The following CCDC62 variants were observed in gnomAD, a reference collection of about 807,000 sequenced individuals.
The protein encoded by CCDC62 is coiled-coil domain containing 62.
A neutral mutation model predicts 80.8 loss-of-function variants in CCDC62; 72 were observed. The ratio of observed to expected loss-of-function variants is 0.89; its 90% CI spans 0.74 to 1.08. The LOEUF is 1.08. CCDC62 is among the 50% of genes least tolerant of loss of function. The pLI, the probability that CCDC62 is intolerant of heterozygous loss-of-function variation, is 0.00. For missense variants in CCDC62, 704 were observed against 809.4 expected, an observed-to-expected ratio of 0.87 and a Z score of 1.58; for synonymous variants, 286 against 296.5, an observed-to-expected ratio of 0.96 and a Z score of 0.36.
chr12:122,818,154 A>G (rs905839070), intron 11 of CCDC62, among the ~76,000 whole-genome samples: 2 of 152,088 alleles, frequency 1.3e-5, no homozygotes, highest in African/African-American at 4.8e-5. Flanking sequence ...CAAAAAATTC[A>G]AAAATTAGCT....
intron 9 of CCDC62, 104 bp downstream of exon 9, chr12:122,801,956 G>T: frequency 1.6e-6 from 2 of 1,244,960 alleles, no homozygotes; most frequent in South Asian, 1.4e-5. Context: ...TAATCCAAAA[G>T]GCATGTTTGC....
At chr12:122,782,634 T>G (rs1211617387) in intron 3 of CCDC62, among the ~76,000 whole-genome samples, 6 of 152,048 alleles carry the variant, frequency 3.9e-5, no homozygotes. Context: ...AATTTTGTAT[T>G]TTTAGTAGAG....
chr12:122,826,695 C>T lies in CCDC62; in HGVS notation c.*314C>T, dbSNP rs376644444. 3.8e-5 allele frequency: 15 copies of T among 397,548 alleles called. No individual in the cohort carries two copies. The highest frequency in any genetic ancestry group is 1.4e-4 in the African/African-American group (7 of 48,694). The allele number at this position is 397,548 out of a possible 1,614,324, so 24.6% of individuals were successfully genotyped here. A position where few individuals can be genotyped will look rare whatever the true frequency, so the allele number is the denominator to read the frequency against. On this transcript the variant is annotated 3_prime_UTR_variant, in exon 13 of 13. Coordinates refer to ENST00000253079, the MANE Select transcript of CCDC62 (RefSeq NM_201435.5). ...TGAAAAAGACTTCTCTGTAAAGATA[C>T]GGACTACAGTTAAATGCTAGAGAAG...
At chr12:122,784,922 C>G (rs182556617) in intron 3 of CCDC62, among the ~76,000 whole-genome samples, 10 of 152,042 alleles carry the variant, frequency 6.6e-5, no homozygotes, top group Non-Finnish European at 1.2e-4. Flanking sequence ...GCAGATCACC[C>G]GAAGTCAAGA....
intron 11 of CCDC62, among the ~76,000 whole-genome samples, chr12:122,817,925 C>T (rs2032235734): frequency 6.6e-6 from 1 of 152,022 alleles, no homozygotes; most frequent in Non-Finnish European, 1.5e-5. Flanking sequence ...GACCCTTCTC[C>T]ACCTTGGCAC....
intron 6 of CCDC62, 70 bp downstream of exon 6, chr12:122,792,191 CT>C (rs2030663057): frequency 1.2e-6 from 1 of 852,732 alleles, no homozygotes; most frequent in East Asian, 2.5e-5. Flanking sequence ...AATTATACCT[CT>C]CCCAAAATGG....
chr12:122,802,410 CTTTTT>C (rs752001572), intron 9 of CCDC62, among the ~76,000 whole-genome samples: 1 of 126,868 alleles, frequency 7.9e-6, no homozygotes, highest in African/African-American at 3.0e-5. Flanking sequence ...TATCTCTACA[CTTTTT>C]TTTTTTTTTT....
chr12:122,782,414 G>A (rs139082140), intron 3 of CCDC62, among the ~76,000 whole-genome samples: 141 of 152,272 alleles, frequency 9.3e-4, no homozygotes, highest in Admixed American at 1.6e-3. Context: ...TCAAAGATGA[G>A]AGGGTATAAT....
rs768372312 is a variant in CCDC62 at position 122,798,169 on chromosome 12, A to C, written c.946A>C (p.Lys316Gln). 1.3e-6 allele frequency: 2 copies of C among 1,579,732 alleles called. No individual in the cohort carries two copies. The highest frequency in any genetic ancestry group is 8.7e-7 in the Non-Finnish European group (1 of 1,149,322). ...GGAATTAATACAGATGTATGACTCA[A>C]AGATGGAGGAATCAAAGGCTCTGGA... The part of the protein sequence containing the change: ...SQELIQMYDS[K>Q]MEESKALDSS... The change falls in exon 8 of 13, where the codon AAG becomes CAG. Residue 316 changes from lysine (K) to glutamine (Q), a missense_variant. Lys to Gln is a moderately conservative substitution (Grantham distance 53). Coordinates refer to ENST00000253079, the MANE Select transcript of CCDC62 (RefSeq NM_201435.5).
chr12:122,798,000 A>T, intron 7 of CCDC62, 85 bp from the exon 8 acceptor site: 1 of 676,766 alleles, frequency 1.5e-6, no homozygotes. Context: ...AGGATTTGTG[A>T]ACTGTTTCAG....
At chr12:122,824,867 C>G (rs923396185) in intron 12 of CCDC62, among the ~76,000 whole-genome samples, 2 of 151,940 alleles carry the variant, frequency 1.3e-5, no homozygotes, top group Admixed American at 6.6e-5. Context: ...GGCAGATCAC[C>G]TGAGGTCGGG....
intron 12 of CCDC62, among the ~76,000 whole-genome samples, chr12:122,825,278 C>T (rs1434972384): frequency 2.0e-5 from 3 of 150,552 alleles, no homozygotes; most frequent in Non-Finnish European, 3.0e-5. Flanking sequence ...CAGGTTCAAG[C>T]GATTCTCCTG....
At chr12:122,792,202 G>GTTT (rs760554062) in intron 6 of CCDC62, 81 bp downstream of exon 6, 715 of 498,520 alleles carry the variant, frequency 1.4e-3, no homozygotes, top group East Asian at 2.3e-3. Flanking sequence ...TCCCAAAATG[G>GTTT]TTTTTTTTTT....
At chr12:122,793,155 A>G (rs905390268) in intron 6 of CCDC62, among the ~76,000 whole-genome samples, 4 of 152,200 alleles carry the variant, frequency 2.6e-5, no homozygotes, top group Non-Finnish European at 5.9e-5. Context: ...AGGCTGTTTT[A>G]TAATAAATTG....
intron 3 of CCDC62, among the ~76,000 whole-genome samples, chr12:122,783,383 A>T (rs2135532820): frequency 6.6e-6 from 1 of 151,520 alleles, no homozygotes; most frequent in East Asian, 2.0e-4. Context: ...GCCCGCCACC[A>T]CGCCCGGCTA....
In CCDC62 at chr12:122,822,574, A is replaced by T. The variant is rs1338702349; in HGVS notation, c.2002-792A>T. On this transcript the variant is annotated intron_variant, in intron 11 of 12. Coordinates refer to ENST00000253079, the MANE Select transcript of CCDC62 (RefSeq NM_201435.5). ...TACTCTCTGCTTCTATGAGTTCCACATTTTTTTTTTTTTTTTTGAGATGGA... is the reference window on the plus strand; with the variant it reads ...TACTCTCTGCTTCTATGAGTTCCACTTTTTTTTTTTTTTTTTTGAGATGGA... Among the ~76,000 whole-genome samples, 32 of 117,770 alleles carry T rather than the reference A, an allele frequency of 2.7e-4. 1 individual carries two copies. The highest frequency in any genetic ancestry group is 6.7e-4 in the Admixed American group (7 of 10,506). 77.3% of individuals were successfully genotyped at this position (117,770 alleles called of 152,430 possible). A position where few individuals can be genotyped will look rare whatever the true frequency, so the allele number is the denominator to read the frequency against.
rs563836598 is a variant in CCDC62, at chr12:122,788,311, C to T, written c.499-447C>T. ...TTGTGGAGTCTGTCATGTTAACAAG[C>T]TGGAAAATGGGAGGGAATGATGGGC... On this transcript the variant is annotated intron_variant, in intron 4 of 12. Transcript: ENST00000253079. Among the ~76,000 whole-genome samples the T allele has an allele frequency of 7.2e-5, 11 of 152,224 alleles. No individual in the cohort carries two copies. In the South Asian group the frequency reaches 1.4e-3, roughly 20 times the overall value.
At chr12:122,779,673 CGA>C (rs1879702039) in intron 2 of CCDC62, among the ~76,000 whole-genome samples, 1 of 151,302 alleles carries the variant, frequency 6.6e-6, no homozygotes, top group Non-Finnish European at 1.5e-5. Context: ...TTTGGGAGGC[CGA>C]GTCAGGCGAA....
Position 122,815,239 on chromosome 12 carries a change from C to T in CCDC62, c.2001+1820C>T, listed in dbSNP as rs181284488. 2.2e-4 allele frequency among the ~76,000 whole-genome samples: 34 copies of T among 151,926 alleles called. 1 individual carries two copies. The East Asian group carries it at 6.6e-3, about 29-fold the overall frequency. ...GATTACACGTACACGAAACCACACC[C>T]AGCTGATGTTTTTATTTTTTGTAGA... On this transcript the variant is annotated intron_variant, in intron 11 of 12. Transcript: ENST00000253079.
Sources: allele counts gnomAD v4.1 joint callset (sites outside exome capture counted in the v4.1 genomes callset), GRCh38; gene constraint gnomAD v4.1.1; transcripts MANE v1.5; gene names NCBI Gene and HGNC (gene_info 2026-07-23, HGNC 2026-07-21).